The following TMTC2 variants were observed in gnomAD, a reference collection of about 807,000 sequenced individuals.
TMTC2 encodes protein O-mannosyl-transferase TMTC2.
In TMTC2, 43 loss-of-function variants were observed where a neutral mutation model predicts 82.4. The ratio of observed to expected loss-of-function variants is 0.52; its 90% CI spans 0.41 to 0.67. The LOEUF (loss-of-function observed/expected upper bound fraction) is 0.67. Ranked by LOEUF, TMTC2 falls within the 30% of genes least tolerant of loss-of-function variation. TMTC2 has a pLI of 0.00. For synonymous variants in TMTC2, 408 were observed against 381.9 expected (o/e 1.07, Z -0.80); for missense variants, 919 against 1,012.4 (o/e 0.91, Z 1.25).
intron 1 of TMTC2, among the ~76,000 whole-genome samples, chr12:82,828,453 G>GT (rs1187110146): frequency 6.6e-5 from 10 of 152,084 alleles, no homozygotes. Context: ...GCCCACCTCA[G>GT]TCCCCCAAAG....
At chr12:82,874,670 A>G (rs1872388522) in intron 2 of TMTC2, among the ~76,000 whole-genome samples, 1 of 152,080 alleles carries the variant, frequency 6.6e-6, no homozygotes, top group Non-Finnish European at 1.5e-5. Context: ...TATCTTTTCC[A>G]TTATCTTTTA....
intron 1 of TMTC2, among the ~76,000 whole-genome samples, chr12:82,847,991 C>T (rs1174314629): frequency 6.6e-6 from 1 of 151,992 alleles, no homozygotes. Flanking sequence ...ATATTGAGTA[C>T]TATGTATGTT....
At chr12:83,005,052 A>C (rs1406625368) in intron 8 of TMTC2, among the ~76,000 whole-genome samples, 3 of 151,384 alleles carry the variant, frequency 2.0e-5, no homozygotes, top group Non-Finnish European at 4.4e-5. Flanking sequence ...AAAAATACAA[A>C]AATTAGCCAA....
At chr12:82,706,796 A>G (rs1873380373) in intron 1 of TMTC2, among the ~76,000 whole-genome samples, 1 of 152,162 alleles carries the variant, frequency 6.6e-6, no homozygotes, top group African/African-American at 2.4e-5. Flanking sequence ...TGGACAAGTG[A>G]GTAAAAAAGA....
chr12:83,059,675 G>A lies in TMTC2; in HGVS notation c.2268-2093G>A, dbSNP rs577086565. On this transcript the variant is annotated intron_variant, in intron 10 of 11. Coordinates refer to ENST00000321196, the MANE Select transcript of TMTC2 (RefSeq NM_152588.3). The stretch of plus-strand genomic sequence containing the variant: ...GAACTAAAGCACTGAATAATACGAA[G>A]ACTTTAAAAACTAATAACCATTTTG... Among the ~76,000 whole-genome samples the A allele has an allele frequency of 3.3e-5, 5 of 151,714 alleles. No homozygotes were observed. The East Asian group carries it at 9.7e-4, about 29-fold the overall frequency.
chr12:82,783,097 CTAAA>C (rs1324151424), intron 1 of TMTC2, among the ~76,000 whole-genome samples: 3 of 151,878 alleles, frequency 2.0e-5, no homozygotes, highest in Admixed American at 2.0e-4. Flanking sequence ...AACTTGGATG[CTAAA>C]TGAGTTTGAA....
intron 3 of TMTC2, among the ~76,000 whole-genome samples, chr12:82,922,350 T>C (rs1167675314): frequency 2.0e-5 from 3 of 152,192 alleles, no homozygotes; most frequent in African/African-American, 7.2e-5. Flanking sequence ...CCCAAACATC[T>C]GTTTTGAATT....
chr12:82,986,890 A>G (rs1879174876), intron 8 of TMTC2, among the ~76,000 whole-genome samples: 1 of 152,204 alleles, frequency 6.6e-6, no homozygotes, highest in African/African-American at 2.4e-5. Context: ...CACATAGACA[A>G]TAGGTGATAG....
chr12:82,884,614 A>T (rs1163080313), intron 2 of TMTC2, among the ~76,000 whole-genome samples: 1 of 152,198 alleles, frequency 6.6e-6, no homozygotes, highest in Non-Finnish European at 1.5e-5. Flanking sequence ...ACAACCATTT[A>T]AAAATTTATT....
intron 10 of TMTC2, among the ~76,000 whole-genome samples, chr12:83,051,922 A>T (rs1314778282): frequency 1.3e-5 from 2 of 152,104 alleles, no homozygotes. Flanking sequence ...TTAAAGGAGG[A>T]TGTTTTTAAC....
chr12:83,114,273 G>A (rs1301153701), intron 11 of TMTC2, among the ~76,000 whole-genome samples: 1 of 151,394 alleles, frequency 6.6e-6, no homozygotes, highest in Non-Finnish European at 1.5e-5. Flanking sequence ...AAAAAAAATA[G>A]TAAGAGGAAA....
intron 3 of TMTC2, among the ~76,000 whole-genome samples, chr12:82,901,845 A>G (rs1169041162): frequency 1.3e-5 from 2 of 152,056 alleles, no homozygotes; most frequent in South Asian, 2.1e-4. Context: ...GGGCTTTCCC[A>G]CAGACTCAGT....
At chr12:82,870,238 C>T (rs1872105579) in intron 2 of TMTC2, among the ~76,000 whole-genome samples, 1 of 152,142 alleles carries the variant, frequency 6.6e-6, no homozygotes, top group Non-Finnish European at 1.5e-5. Context: ...TTCCTCCTTC[C>T]CTCCCACCTC....
intron 11 of TMTC2, 122 bp from the exon 12 acceptor site, chr12:83,132,088 C>T (rs1461377237): frequency 8.3e-7 from 1 of 1,207,038 alleles, no homozygotes; most frequent in Non-Finnish European, 1.1e-6. Context: ...TGCTAAATTG[C>T]TTTCACAAAA....
chr12:82,743,977 C>T (rs746171441), intron 1 of TMTC2, among the ~76,000 whole-genome samples: 1 of 152,024 alleles, frequency 6.6e-6, no homozygotes, highest in Non-Finnish European at 1.5e-5. Flanking sequence ...AGGTTTTGGT[C>T]AGAAAGGAGG....
intron 8 of TMTC2, among the ~76,000 whole-genome samples, chr12:83,020,088 C>G (rs1035730145): frequency 2.0e-5 from 3 of 152,202 alleles, no homozygotes; most frequent in African/African-American, 7.2e-5. Flanking sequence ...GATCAAGCAT[C>G]AATTCTTTGG....
intron 1 of TMTC2, among the ~76,000 whole-genome samples, chr12:82,851,227 C>T (rs1039091443): frequency 2.6e-5 from 4 of 151,534 alleles, no homozygotes; most frequent in African/African-American, 7.3e-5. Flanking sequence ...GTCAGGAGTT[C>T]GAGACCAGTC....
intron 1 of TMTC2, among the ~76,000 whole-genome samples, chr12:82,708,225 C>T (rs1294861559): frequency 6.6e-6 from 1 of 152,184 alleles, no homozygotes; most frequent in Non-Finnish European, 1.5e-5. Context: ...AATGGAAACA[C>T]ATAATTTTAA....
intron 1 of TMTC2, among the ~76,000 whole-genome samples, chr12:82,736,004 A>C (rs1213943987): frequency 7.1e-6 from 1 of 140,416 alleles, no homozygotes; most frequent in African/African-American, 2.7e-5. Context: ...CACACACACA[A>C]TTATCTTGAT....
Sources: allele counts gnomAD v4.1 joint callset (sites outside exome capture counted in the v4.1 genomes callset), GRCh38; gene constraint gnomAD v4.1.1; transcripts MANE v1.5; gene names NCBI Gene and HGNC (gene_info 2026-07-23, HGNC 2026-07-21).